ASCC2: variants seen among roughly 807,000 people sequenced by gnomAD.
ASCC2 encodes the protein activating signal cointegrator 1 complex subunit 2.
A neutral mutation model predicts 93.5 loss-of-function variants in ASCC2; 42 were observed. The ratio of observed to expected loss-of-function variants is 0.45; its 90% CI spans 0.35 to 0.58. The LOEUF (loss-of-function observed/expected upper bound fraction) is 0.58, where lower values mean the gene tolerates loss of function less well. Among genes scored for constraint, ASCC2 ranks in the 20% least tolerant of loss-of-function variants. The pLI is 0.00. For synonymous variants in ASCC2, 364 were observed against 384.2 expected, an observed-to-expected ratio of 0.95 and a Z score of 0.62; for missense variants, 859 against 977.6, an observed-to-expected ratio of 0.88 and a Z score of 1.62.
intron 14 of ASCC2, 74 bp from the exon 15 acceptor site, chr22:29,801,184 C>T: frequency 6.7e-7 from 1 of 1,503,364 alleles, no homozygotes; most frequent in Non-Finnish European, 9.0e-7. Flanking sequence ...CTTCCCCCTG[C>T]TGTATTAAAT....
intron 15 of ASCC2, among the ~76,000 whole-genome samples, chr22:29,794,838 C>T (rs567220251): frequency 3.9e-5 from 6 of 152,334 alleles, no homozygotes; most frequent in South Asian, 2.1e-4. Flanking sequence ...AAGCAAACTA[C>T]GCTAACTCTG....
At position 29,793,443 on chromosome 22, in the gene ASCC2, G is replaced by A. The variant is rs768389612; in HGVS notation, c.1836C>T (p.Tyr612=). The A allele has an allele frequency of 8.1e-6, 13 of 1,614,030 alleles. No homozygotes were observed. Among genetic ancestry groups the A allele is most frequent in the Admixed American group, 5.0e-5 (3 of 60,004 alleles). The change falls in exon 17 of 20, where the codon TAC becomes TAT. Residue 612 remains tyrosine (Y), a synonymous_variant. Coordinates refer to ENST00000307790, the MANE Select transcript of ASCC2 (RefSeq NM_032204.5). ...CGTATGTGTCATCGTACTCATCCTC[G>A]TAGTAGACACTGTGGTAGGGCAGGC... ...GESLPYHSVY[Y]EDEYDDTYDG...
chr22:29,822,716 CTTTTTTTTTTT>C (rs748997801), intron 4 of ASCC2, among the ~76,000 whole-genome samples: 3 of 93,000 alleles, frequency 3.2e-5, no homozygotes, highest in Non-Finnish European at 4.3e-5. Context: ...ATTATCATGT[CTTTTTTTTTTT>C]TTTTTTTTTT....
At chr22:29,834,420 T>C in intron 1 of ASCC2, 6 of 462,852 alleles carry the variant, frequency 1.3e-5, no homozygotes, top group South Asian at 7.9e-5. Context: ...TGGCCTGTTA[T>C]AAAGACTGTG....
chr22:29,792,703 G>A (rs903939432), intron 17 of ASCC2, among the ~76,000 whole-genome samples, 168 bp from the exon 18 acceptor site: 2 of 152,142 alleles, frequency 1.3e-5, no homozygotes, highest in African/African-American at 4.8e-5. Context: ...TGGATTCTCT[G>A]AGGTTACCAG....
At chr22:29,822,510 C>T (rs766503260) in intron 4 of ASCC2, 46 bp from the exon 5 acceptor site, 4 of 1,603,550 alleles carry the variant, frequency 2.5e-6, no homozygotes, top group Middle Eastern at 3.6e-4. Flanking sequence ...TCTGAACACT[C>T]CTACATTATA....
At chr22:29,790,717 TGAGGTTTCCATTAG>T (rs2057621394) in intron 18 of ASCC2, among the ~76,000 whole-genome samples, 169 bp from the exon 19 acceptor site, 1 of 152,214 alleles carries the variant, frequency 6.6e-6, no homozygotes, top group Non-Finnish European at 1.5e-5. Context: ...TACTGTGGTC[TGAGGTTTCCATTAG>T]GAGCCCCCTG....
At chr22:29,791,464 G>A (rs1193276830) in intron 18 of ASCC2, among the ~76,000 whole-genome samples, 1 of 152,180 alleles carries the variant, frequency 6.6e-6, no homozygotes, top group Non-Finnish European at 1.5e-5. Flanking sequence ...TGGATCACCT[G>A]AGGTCAGGAG....
intron 12 of ASCC2, among the ~76,000 whole-genome samples, chr22:29,805,763 T>C (rs2059603619): frequency 6.6e-6 from 1 of 152,034 alleles, no homozygotes; most frequent in Admixed American, 6.6e-5. Context: ...TCCTTGCTCC[T>C]GGCTTGGTGC....
chr22:29,806,646 C>G, intron 10 of ASCC2, 93 bp from the exon 11 acceptor site: 2 of 1,449,430 alleles, frequency 1.4e-6, no homozygotes, highest in Non-Finnish European at 1.9e-6. Context: ...AGGCTGGGGC[C>G]CAGTGGAGGA....
intron 1 of ASCC2, chr22:29,836,601 C>T (rs2063822961): frequency 6.6e-6 from 1 of 151,974 alleles, no homozygotes. Flanking sequence ...CACTCTGTCA[C>T]CCAGGCTAGA....
At position 29,790,502 on chromosome 22, in the gene ASCC2, T is replaced by A. The variant is rs777870611; in HGVS notation, c.2069A>T (p.Glu690Val). The change falls in exon 19 of 20, where the codon GAA becomes GTA. Residue 690 changes from glutamate (E) to valine (V), a missense_variant. Coordinates refer to ENST00000307790, the MANE Select transcript of ASCC2 (RefSeq NM_032204.5). Reference sequence around the variant, plus strand: ...GGCGAGAAAGGCCATGCGCCTGGCTTCTGCCTTCTCTCTCAGCACTGCAGG... The same window carrying A: ...GGCGAGAAAGGCCATGCGCCTGGCTACTGCCTTCTCTCTCAGCACTGCAGG... Reference protein sequence around the residue: ...QDPAVLREKAEARRMAFLAKK... With the variant: ...QDPAVLREKAVARRMAFLAKK... 6.2e-7 allele frequency: 1 copy of A among 1,614,152 alleles called. No homozygotes were observed. Among genetic ancestry groups the A allele is most frequent in the Non-Finnish European group, 8.5e-7 (1 of 1,180,036 alleles).
At chr22:29,790,692 G>A in intron 18 of ASCC2, 144 bp from the exon 19 acceptor site, 1 of 804,842 alleles carries the variant, frequency 1.2e-6, no homozygotes, top group Admixed American at 2.1e-5. Context: ...GCGACGCCCA[G>A]GAATGGAGTG....
Position 29,822,450 on chromosome 22 carries a change from G to C in ASCC2, c.426C>G (p.Ser142=). The change falls in exon 5 of 20, where the codon TCC becomes TCG. Residue 142 remains serine (S), a synonymous_variant. Transcript: ENST00000307790. ...AGAGGATTTCTCCAAACGCAGAAGG[G>C]GAAATGAAGTGATCCTAAGGAAAAA... ...THKESKDHFI[S]PSAFGEILYN... 6.2e-7 allele frequency: 1 copy of C among 1,613,706 alleles called. No individual in the cohort carries two copies. Among genetic ancestry groups the C allele is most frequent in the Non-Finnish European group, 8.5e-7 (1 of 1,179,816 alleles).
chr22:29,824,777 A>G (rs1365815871), intron 4 of ASCC2, among the ~76,000 whole-genome samples: 4 of 152,106 alleles, frequency 2.6e-5, no homozygotes, highest in Admixed American at 6.5e-5. Context: ...TAAAAAGAGT[A>G]CACAAGTTCC....
Position 29,789,081 on chromosome 22 carries a change from TC to T in ASCC2, c.2205del (p.Thr736GlnfsTer19). 6.2e-7 allele frequency: 1 copy of T among 1,614,198 alleles called. No homozygotes were observed. Among genetic ancestry groups the T allele is most frequent in the Non-Finnish European group, 8.5e-7 (1 of 1,180,026 alleles). ...QERRKKEANK[A>X]TRANHNRRTM... ...GTTCTCCGGTTGTGGTTGGCTCTTG[TC>T]GCCTTGTTGGCTTCCTTCTTCCTGC... On this transcript the variant is annotated frameshift_variant, in exon 20 of 20. Coordinates refer to ENST00000307790, the MANE Select transcript of ASCC2 (RefSeq NM_032204.5). LOFTEE classifies it high-confidence loss of function.
chr22:29,806,743 T>C (rs1432297502), intron 10 of ASCC2, 54 bp downstream of exon 10: 1 of 1,527,978 alleles, frequency 6.5e-7, no homozygotes, highest in Non-Finnish European at 9.1e-7. Context: ...GAAACGCTCC[T>C]GAAGGGCTTG....
At chr22:29,820,150 G>C (rs1199290889) in intron 5 of ASCC2, among the ~76,000 whole-genome samples, 2 of 151,632 alleles carry the variant, frequency 1.3e-5, no homozygotes, top group African/African-American at 4.8e-5. Flanking sequence ...GAAAATGTTG[G>C]ATGCAAAATT....
intron 19 of ASCC2, among the ~76,000 whole-genome samples, chr22:29,790,213 A>G (rs1293062573): frequency 6.6e-6 from 1 of 152,178 alleles, no homozygotes; most frequent in Non-Finnish European, 1.5e-5. Flanking sequence ...CCTGGAGCTG[A>G]GCCATCTGGG....
Sources: allele counts gnomAD v4.1 joint callset (sites outside exome capture counted in the v4.1 genomes callset), GRCh38; gene constraint gnomAD v4.1.1; transcripts MANE v1.5; gene names NCBI Gene and HGNC (gene_info 2026-07-23, HGNC 2026-07-21).